The following SCP2 variants were observed in gnomAD, a reference collection of about 807,000 sequenced individuals.
The protein encoded by SCP2 is sterol carrier protein 2, also known as SCP-2/3-oxoacyl-CoA thiolase.
A neutral mutation model predicts 71.4 loss-of-function variants in SCP2; 48 were observed. The observed-to-expected ratio is 0.67, with a 90% CI of 0.53 to 0.86. The LOEUF is 0.86. Ranked by LOEUF, SCP2 falls within the 40% of genes least tolerant of loss-of-function variation. SCP2 has a pLI of 0.00. For synonymous variants in SCP2, 220 were observed against 218.1 expected (o/e 1.01, Z -0.08); for missense variants, 560 against 655.6 (o/e 0.85, Z 1.59).
chr1:53,032,881 A>G (rs1429103626), intron 13 of SCP2, among the ~76,000 whole-genome samples: 2 of 152,164 alleles, frequency 1.3e-5, no homozygotes, highest in Non-Finnish European at 1.5e-5. Flanking sequence ...TGAAGATTAA[A>G]GAAATTATAT....
At chr1:52,985,474 C>A (rs1658904799) in intron 10 of SCP2, among the ~76,000 whole-genome samples, 1 of 152,124 alleles carries the variant, frequency 6.6e-6, no homozygotes, top group Admixed American at 6.6e-5. Flanking sequence ...TTTGTCACTG[C>A]CAGCCTAGTG....
At chr1:52,937,044 G>T (rs567888765) in intron 1 of SCP2, among the ~76,000 whole-genome samples, 23 of 152,228 alleles carry the variant, frequency 1.5e-4, no homozygotes, top group African/African-American at 4.3e-4. Context: ...CAAACACCGA[G>T]AATTAAATTA....
intron 1 of SCP2, among the ~76,000 whole-genome samples, chr1:52,935,587 CAAA>C (rs35419796): frequency 4.6e-5 from 5 of 108,706 alleles, no homozygotes; most frequent in African/African-American, 4.0e-5. Context: ...GAGACTCAGT[CAAA>C]AAAAAAAAAA....
intron 1 of SCP2, 135 bp downstream of exon 1, chr1:52,927,600 C>A (rs532306192): frequency 5.7e-6 from 4 of 706,084 alleles, no homozygotes; most frequent in Non-Finnish European, 7.5e-6. Flanking sequence ...GTGGCTTGTA[C>A]TCTGCGGAAT....
At chr1:53,044,974 C>A (rs1258975747) in intron 14 of SCP2, among the ~76,000 whole-genome samples, 1 of 152,186 alleles carries the variant, frequency 6.6e-6, no homozygotes, top group African/African-American at 2.4e-5. Context: ...AAACGAAGAA[C>A]TACCCTACCA....
intron 6 of SCP2, among the ~76,000 whole-genome samples, chr1:52,971,586 G>A (rs1657498087): frequency 6.6e-6 from 1 of 152,178 alleles, no homozygotes; most frequent in Non-Finnish European, 1.5e-5. Context: ...TCAAAAAAAT[G>A]GGAAATTGTC....
At chr1:53,028,196 A>G (rs1662272492) in intron 13 of SCP2, 125 bp downstream of exon 13, 3 of 654,040 alleles carry the variant, frequency 4.6e-6, no homozygotes, top group African/African-American at 1.8e-5. Context: ...TATTGAGTGT[A>G]GTTAGATTTC....
At chr1:52,993,426 C>T in intron 11 of SCP2, 1 of 1,614,172 alleles carries the variant, frequency 6.2e-7, no homozygotes, top group East Asian at 2.2e-5. Flanking sequence ...TCCAGATCTG[C>T]TTTATTACCA....
At chr1:53,016,467 T>A (rs532360036) in intron 12 of SCP2, among the ~76,000 whole-genome samples, 1 of 152,302 alleles carries the variant, frequency 6.6e-6, no homozygotes, top group South Asian at 2.1e-4. Context: ...TTTTCTTTTT[T>A]GAGACAGAGT....
At chr1:53,038,324 C>T (rs17107717) in intron 13 of SCP2, among the ~76,000 whole-genome samples, 1 of 151,980 alleles carries the variant, frequency 6.6e-6, no homozygotes, top group East Asian at 1.9e-4. Flanking sequence ...TCTTTCCCAA[C>T]TTATTGAAAC....
intron 13 of SCP2, among the ~76,000 whole-genome samples, chr1:53,035,684 C>G (rs759499497): frequency 4.6e-5 from 7 of 151,448 alleles, no homozygotes; most frequent in Middle Eastern, 6.8e-3. Context: ...TATTATAAAG[C>G]TATAATATTG....
At position 52,976,984 on chromosome 1, in the gene SCP2, ACTT is replaced by A. The variant is rs1304693646; in HGVS notation, c.674+222_674+224del. ...CTTCTCTTGGAAAATGATGTGTTTTACTTCTTCTTGCAGGACTTCTACCTACTT... is the reference window on the plus strand; with the variant it reads ...CTTCTCTTGGAAAATGATGTGTTTTACTTCTTGCAGGACTTCTACCTACTT... On this transcript the variant is annotated intron_variant, in intron 8 of 15. Transcript: ENST00000371514. Among the ~76,000 whole-genome samples the A allele has an allele frequency of 4.6e-5, 7 of 151,878 alleles. No individual in the cohort carries two copies. In the East Asian group the frequency reaches 1.2e-3, roughly 25 times the overall value.
intron 13 of SCP2, among the ~76,000 whole-genome samples, chr1:53,030,384 G>A (rs572719822): frequency 1.2e-4 from 18 of 152,246 alleles, no homozygotes; most frequent in African/African-American, 4.1e-4. Flanking sequence ...ATTGTTGGGT[G>A]GTTGGCTACG....
At chr1:52,990,661 G>C (rs920820324) in intron 11 of SCP2, among the ~76,000 whole-genome samples, 1 of 150,014 alleles carries the variant, frequency 6.7e-6, no homozygotes, top group Non-Finnish European at 1.5e-5. Flanking sequence ...GTGAACCCGG[G>C]AGGCGGAGCC....
intron 13 of SCP2, among the ~76,000 whole-genome samples, chr1:53,038,249 T>TA (rs201207982): frequency 0.098 from 14,782 of 151,076 alleles, 1,423 homozygotes; most frequent in African/African-American, 0.21. Context: ...TATATATGTG[T>TA]GTGTACACAC....
intron 1 of SCP2, among the ~76,000 whole-genome samples, chr1:52,933,097 G>T (rs186665872): frequency 3.9e-5 from 6 of 152,240 alleles, no homozygotes; most frequent in African/African-American, 1.4e-4. Flanking sequence ...GAAATGGCTG[G>T]TTGCAGAAAT....
intron 12 of SCP2, among the ~76,000 whole-genome samples, chr1:53,018,527 C>T (rs990586590): frequency 4.6e-5 from 7 of 151,836 alleles, no homozygotes; most frequent in South Asian, 2.1e-4. Flanking sequence ...GGATGGCTTG[C>T]GGTCAGGAGT....
At chr1:52,994,808 G>A (rs974299604) in intron 11 of SCP2, 10 of 535,164 alleles carry the variant, frequency 1.9e-5, no homozygotes, top group Middle Eastern at 3.6e-4. Flanking sequence ...AGTGATGAAC[G>A]TGAAATCGAC....
At chr1:53,032,060 C>T (rs983302168) in intron 13 of SCP2, among the ~76,000 whole-genome samples, 1 of 152,180 alleles carries the variant, frequency 6.6e-6, no homozygotes, top group African/African-American at 2.4e-5. Context: ...CTATTAACCC[C>T]CTCTCCTATA....
Sources: gnomAD v4.1 joint callset for allele counts (sites outside exome capture counted in the v4.1 genomes callset) on GRCh38, gnomAD v4.1.1 for gene constraint, MANE v1.5 for transcripts, NCBI Gene and HGNC (gene_info 2026-07-23, HGNC 2026-07-21) for gene names.